The following ANXA6 variants were observed in gnomAD, a reference collection of about 807,000 sequenced individuals.
ANXA6 encodes the protein annexin A6.
In ANXA6, 71 loss-of-function variants were observed where a neutral mutation model predicts 95.4. That is an observed-to-expected ratio of 0.74 (90% CI 0.61 to 0.91). The LOEUF (loss-of-function observed/expected upper bound fraction) is 0.91. Ranked by LOEUF, ANXA6 falls within the 40% of genes least tolerant of loss-of-function variation. ANXA6 has a pLI of 0.00. For synonymous variants in ANXA6, 289 were observed against 315.9 expected (o/e 0.91, Z 0.90); for missense variants, 830 against 876.4 (o/e 0.95, Z 0.67).
chr5:151,135,936 G>A lies in ANXA6; in HGVS notation c.489+320C>T, dbSNP rs564978903. On this transcript the variant is annotated intron_variant, in intron 7 of 25. Transcript: ENST00000354546. The stretch of plus-strand genomic sequence containing the variant: ...GGGCGGTGAGGAGGCAATAAGGCTC[G>A]GATGTGGGAGACTCCACACAGTAGC... Among the ~76,000 whole-genome samples, 8 of 152,272 alleles carry A rather than the reference G, an allele frequency of 5.3e-5. No individual in the cohort carries two copies. The East Asian group carries it at 1.4e-3, about 26-fold the overall frequency.
At chr5:151,140,813 A>T (rs1765815023) in intron 2 of ANXA6, among the ~76,000 whole-genome samples, 1 of 152,122 alleles carries the variant, frequency 6.6e-6, no homozygotes, top group African/African-American at 2.4e-5. Context: ...CGCTCTTAAG[A>T]TTATTTCTAT....
chr5:151,134,943 A>C (rs1057003024), intron 7 of ANXA6, among the ~76,000 whole-genome samples: 9 of 152,238 alleles, frequency 5.9e-5, no homozygotes, highest in African/African-American at 1.9e-4. Flanking sequence ...ACCAATAAGG[A>C]TTTGGGACTC....
chr5:151,145,643 G>A (rs766820049), intron 2 of ANXA6, among the ~76,000 whole-genome samples: 3 of 152,174 alleles, frequency 2.0e-5, no homozygotes, highest in South Asian at 4.1e-4. Context: ...GCATGTGTGC[G>A]TGTGTTGGAG....
intron 23 of ANXA6, among the ~76,000 whole-genome samples, chr5:151,106,198 C>T (rs928764527): frequency 3.9e-5 from 6 of 152,082 alleles, no homozygotes; most frequent in African/African-American, 1.2e-4. Context: ...TCACCAACCC[C>T]GCCCTTTCTC....
In ANXA6 at chr5:151,140,184, G is replaced by C. The variant is rs773420336; in HGVS notation, c.78C>G (p.Ala26=). 5 of 1,613,866 alleles carry C rather than the reference G, an allele frequency of 3.1e-6. No homozygotes were observed. Among genetic ancestry groups the C allele is most frequent in the Non-Finnish European group, 4.2e-6 (5 of 1,179,866 alleles). The change falls in exon 3 of 26, where the codon GCC becomes GCG. Residue 26 remains alanine, a synonymous_variant. Coordinates refer to ENST00000354546, the MANE Select transcript of ANXA6 (RefSeq NM_001155.5). ...CCTTCATGGCAGTGTACAGAGCCTCGGCATCCTGGTTGGGGTCAAAGCCTG... is the reference window on the plus strand; with the variant it reads ...CCTTCATGGCAGTGTACAGAGCCTCCGCATCCTGGTTGGGGTCAAAGCCTG... ...DFPGFDPNQD[A]EALYTAMKGF...
intron 1 of ANXA6, chr5:151,155,562 T>C (rs1210184803): frequency 1.3e-5 from 2 of 152,120 alleles, no homozygotes; most frequent in African/African-American, 4.8e-5. Context: ...TCCTCCCCTC[T>C]ATTGGCAGGA....
At chr5:151,134,225 A>C (rs1396440835) in intron 8 of ANXA6, among the ~76,000 whole-genome samples, 8 of 152,234 alleles carry the variant, frequency 5.3e-5, no homozygotes, top group African/African-American at 1.9e-4. Context: ...CCAATATACC[A>C]ATATTACATA....
Position 151,132,507 on chromosome 5 carries a change from A to T in ANXA6, c.705T>A (p.Ser235=), listed in dbSNP as rs1217983185. The change falls in exon 10 of 26, where the codon TCT becomes TCA. Residue 235 remains serine, a synonymous_variant. Coordinates refer to ENST00000354546, the MANE Select transcript of ANXA6 (RefSeq NM_001155.5). ...CCAGCATTAGCTTCTCAAAGTCCCC[A>T]GACAGCTCCCCTCGGATGCTGGCTT... The part of the protein sequence containing the change: ...PIEASIRGEL[S]GDFEKLMLAV... 5 of 1,613,296 alleles carry T rather than the reference A, an allele frequency of 3.1e-6. No homozygotes were observed. The African/African-American group carries it at 5.3e-5, about 17-fold the overall frequency.
chr5:151,129,314 A>G (rs2303031), intron 12 of ANXA6, 93 bp downstream of exon 12: 77,561 of 1,501,928 alleles, frequency 0.052, 3,761 homozygotes, highest in East Asian at 0.21. Flanking sequence ...CCCACTTCCT[A>G]GGACATTTCC....
In ANXA6 at chr5:151,119,338, T is replaced by C. The variant is rs1278415444; in HGVS notation, c.1400A>G (p.Asn467Ser). The C allele has an allele frequency of 1.1e-5, 18 of 1,613,564 alleles. No homozygotes were observed. The highest frequency in any genetic ancestry group is 5.0e-5 in the Admixed American group (3 of 60,016). ...CTCATTGATGGCCCGGATTTCAGCATTGGTCCGAGTGGCCAGGATTTCAAT... is the reference window on the plus strand; with the variant it reads ...CTCATTGATGGCCCGGATTTCAGCACTGGTCCGAGTGGCCAGGATTTCAAT... Reference protein sequence around the residue: ...ALIEILATRTNAEIRAINEAY... With the variant: ...ALIEILATRTSAEIRAINEAY... Residue 467 changes from asparagine to serine, a missense_variant, in exon 18 of 26, where the codon AAT (asparagine) becomes AGT (serine). Asn to Ser is a conservative substitution (Grantham distance 46, BLOSUM62 1). Coordinates refer to ENST00000354546, the MANE Select transcript of ANXA6 (RefSeq NM_001155.5).
chr5:151,131,174 C>T (rs2042498103), intron 11 of ANXA6, 57 bp downstream of exon 11: 1 of 1,581,262 alleles, frequency 6.3e-7, no homozygotes, highest in Non-Finnish European at 8.7e-7. Flanking sequence ...AAGGACTTGT[C>T]AAAGACTCCC....
intron 12 of ANXA6, among the ~76,000 whole-genome samples, chr5:151,128,859 A>T (rs1765406148): frequency 6.6e-6 from 1 of 152,148 alleles, no homozygotes; most frequent in Non-Finnish European, 1.5e-5. Flanking sequence ...CATAACACCT[A>T]AAAAAATTAC....
chr5:151,122,880 T>C, intron 16 of ANXA6, 37 bp downstream of exon 16: 23 of 1,581,068 alleles, frequency 1.5e-5, no homozygotes, highest in Non-Finnish European at 1.8e-5. Context: ...GCAAGGTGCA[T>C]GCATGTTGCA....
chr5:151,112,376 G>C (rs1039896973), intron 20 of ANXA6, among the ~76,000 whole-genome samples: 3 of 152,164 alleles, frequency 2.0e-5, no homozygotes, highest in Non-Finnish European at 2.9e-5. Context: ...CCTTTGAGGA[G>C]AGGGACTATG....
At position 151,103,591 on chromosome 5, in the gene ANXA6, C is replaced by T; in HGVS notation, c.1941G>A (p.Lys647=). Reference sequence around the variant, plus strand: ...TTACCTCAATGGCTTGGTGGAGAGACTTGTCATATTTCTCAATGAATTCCC... The same window carrying T: ...TTACCTCAATGGCTTGGTGGAGAGATTTGTCATATTTCTCAATGAATTCCC... The part of the protein sequence containing the change: ...IRREFIEKYD[K]SLHQAIEGDT... The change falls in exon 25 of 26, where the codon AAG becomes AAA. Residue 647 remains lysine, a synonymous_variant. Coordinates refer to ENST00000354546, the MANE Select transcript of ANXA6 (RefSeq NM_001155.5). 1 of 1,612,820 alleles carries T rather than the reference C, an allele frequency of 6.2e-7. No individual in the cohort carries two copies. Among genetic ancestry groups the T allele is most frequent in the South Asian group, 1.1e-5 (1 of 90,738 alleles).
intron 1 of ANXA6, among the ~76,000 whole-genome samples, 192 bp downstream of exon 1, chr5:151,157,488 C>T (rs1176659011): frequency 4.6e-5 from 7 of 152,236 alleles, no homozygotes; most frequent in Non-Finnish European, 1.0e-4. Context: ...TCCGCCCCGA[C>T]CCCAGATTTG....
intron 23 of ANXA6, among the ~76,000 whole-genome samples, chr5:151,107,612 A>C (rs1429932409): frequency 6.6e-6 from 1 of 152,212 alleles, no homozygotes; most frequent in African/African-American, 2.4e-5. Flanking sequence ...TCTTCCACGG[A>C]TACCTCTTGG....
intron 2 of ANXA6, among the ~76,000 whole-genome samples, chr5:151,145,566 G>A (rs1426717953): frequency 1.3e-5 from 2 of 152,154 alleles, no homozygotes; most frequent in East Asian, 1.9e-4. Context: ...GAAGGAACTG[G>A]GGGGTGTCTA....
At chr5:151,111,634 G>A (rs1265504397) in intron 20 of ANXA6, among the ~76,000 whole-genome samples, 1 of 152,214 alleles carries the variant, frequency 6.6e-6, no homozygotes, top group Non-Finnish European at 1.5e-5. Flanking sequence ...TGTTGCCCAG[G>A]CTGGAGTACA....
Sources: gnomAD v4.1 joint callset for allele counts (sites outside exome capture counted in the v4.1 genomes callset) on GRCh38, gnomAD v4.1.1 for gene constraint, MANE v1.5 for transcripts, NCBI Gene and HGNC (gene_info 2026-07-23, HGNC 2026-07-21) for gene names.